DORIP1: variants seen among roughly 807,000 people sequenced by gnomAD.
DORIP1 encodes the protein dopamine receptor-interacting protein 1.
the DORIP1 span, among the ~76,000 whole-genome samples, chr14:44,901,549 A>G: frequency 2.0e-5 from 3 of 152,240 alleles, no homozygotes; most frequent in East Asian, 1.9e-4. Flanking sequence ...TATGAAAAAT[A>G]TATTACTCTT....
At chr14:44,900,848 A>C in the DORIP1 span, 1 of 1,614,090 alleles carries the variant, frequency 6.2e-7, no homozygotes, top group Non-Finnish European at 8.5e-7. Context: ...GAGCATGATA[A>C]TTTTACAAAA....
chr14:44,898,975 A>C, the DORIP1 span: 2 of 152,204 alleles, frequency 1.3e-5, no homozygotes, highest in Non-Finnish European at 2.9e-5. Context: ...GCACTTGGAA[A>C]AGATGGTCAA....
At chr14:44,900,630 A>G in the DORIP1 span, 3 of 1,608,956 alleles carry the variant, frequency 1.9e-6, no homozygotes, top group Middle Eastern at 1.7e-4. Context: ...TCTTGATGTT[A>G]TTATATGTCA....
At chr14:44,903,337 G>C in the DORIP1 span, 9 of 1,564,752 alleles carry the variant, frequency 5.8e-6, no homozygotes, top group Non-Finnish European at 7.0e-6. Context: ...GTATGTATGT[G>C]TTTATAAGGA....
the DORIP1 span, chr14:44,907,232 A>C: frequency 3.5e-4 from 53 of 152,782 alleles, no homozygotes; most frequent in African/African-American, 1.2e-3. Context: ...TAATAAAAAA[A>C]CATTTTTCTA....
chr14:44,904,053 T>C, the DORIP1 span: 1 of 985,164 alleles, frequency 1.0e-6, no homozygotes, highest in Non-Finnish European at 1.2e-6. Context: ...AGAGTCATAT[T>C]TTTCCCCTCT....
At chr14:44,904,665 G>T in the DORIP1 span, 1 of 968,546 alleles carries the variant, frequency 1.0e-6, no homozygotes, top group African/African-American at 1.7e-5. Context: ...ATTCTGAATA[G>T]AATCAGAATT....
the DORIP1 span, chr14:44,901,001 T>A: frequency 1.3e-6 from 2 of 1,524,458 alleles, no homozygotes; most frequent in African/African-American, 2.8e-5. Flanking sequence ...TTACTTTTTT[T>A]AATGAATGTT....
At chr14:44,899,021 T>G in the DORIP1 span, 1 of 152,198 alleles carries the variant, frequency 6.6e-6, no homozygotes, top group Non-Finnish European at 1.5e-5. Context: ...ATTTCTCTGT[T>G]TCCACTCCTC....
At chr14:44,904,253 C>T in the DORIP1 span, 12 of 1,390,972 alleles carry the variant, frequency 8.6e-6, no homozygotes, top group African/African-American at 1.8e-4. Flanking sequence ...GTAGTAATTA[C>T]CCTATAACTA....
At chr14:44,900,393 G>C in the DORIP1 span, 1 of 1,398,512 alleles carries the variant, frequency 7.2e-7, no homozygotes, top group East Asian at 2.5e-5. Context: ...AATATACAAA[G>C]TTACAATTTT....
At chr14:44,899,709 T>A in the DORIP1 span, among the ~76,000 whole-genome samples, 2 of 151,896 alleles carry the variant, frequency 1.3e-5, no homozygotes, top group Admixed American at 6.6e-5. Flanking sequence ...GAATCACCCA[T>A]ATTAACAAGA....
the DORIP1 span, among the ~76,000 whole-genome samples, chr14:44,901,737 T>C: frequency 2.2e-4 from 34 of 152,302 alleles, no homozygotes; most frequent in South Asian, 6.8e-3. Flanking sequence ...CAAGACATAA[T>C]TATAGACAGA....
chr14:44,903,189 A>C, the DORIP1 span: 1 of 1,552,440 alleles, frequency 6.4e-7, no homozygotes, highest in Non-Finnish European at 8.9e-7. Flanking sequence ...TCTTACATGC[A>C]TTTAATAATT....
At chr14:44,900,761 T>C in the DORIP1 span, 1 of 1,614,144 alleles carries the variant, frequency 6.2e-7, no homozygotes, top group Non-Finnish European at 8.5e-7. Flanking sequence ...CTACTTTGGA[T>C]TTGGGACAAG....
At chr14:44,900,462 AG>A in the DORIP1 span, 1 of 1,544,652 alleles carries the variant, frequency 6.5e-7, no homozygotes, top group East Asian at 2.3e-5. Flanking sequence ...AAGAGATCAA[AG>A]CATCAATTAA....
At chr14:44,903,527 A>G in the DORIP1 span, 1 of 1,112,238 alleles carries the variant, frequency 9.0e-7, no homozygotes, top group African/African-American at 1.6e-5. Context: ...GAGTAGGTAC[A>G]ATAAAACCTT....
chr14:44,902,134 G>A, the DORIP1 span, among the ~76,000 whole-genome samples: 6 of 152,074 alleles, frequency 3.9e-5, no homozygotes, highest in Admixed American at 1.3e-4. Context: ...TTCCTGCATT[G>A]CTAATTTGAA....
chr14:44,898,297 G>C, the DORIP1 span, among the ~76,000 whole-genome samples: 1 of 151,730 alleles, frequency 6.6e-6, no homozygotes, highest in Non-Finnish European at 1.5e-5. Flanking sequence ...GTATCCTCTA[G>C]TTCTTCCAAA....
Sources: gnomAD v4.1 joint callset for allele counts (sites outside exome capture counted in the v4.1 genomes callset) on GRCh38, gnomAD v4.1.1 for gene constraint, MANE v1.5 for transcripts, NCBI Gene and HGNC (gene_info 2026-07-23, HGNC 2026-07-21) for gene names.